RIN3: variants seen among roughly 807,000 people sequenced by gnomAD.
RIN3 encodes Ras and Rab interactor 3.
Under a neutral mutation model 76.3 loss-of-function variants are expected in RIN3, and 54 were observed. The observed-to-expected ratio is 0.71, with a 90% CI of 0.57 to 0.89. RIN3 has a LOEUF of 0.89. RIN3 is among the 40% of genes least tolerant of loss of function. The pLI is 0.00. For missense variants in RIN3, 1,256 were observed against 1,322.1 expected, an observed-to-expected ratio of 0.95 and a Z score of 0.78; for synonymous variants, 576 against 564.0, an observed-to-expected ratio of 1.02 and a Z score of -0.30.
intron 3 of RIN3, among the ~76,000 whole-genome samples, chr14:92,579,169 C>G (rs955696871): frequency 3.5e-4 from 53 of 152,190 alleles, no homozygotes; most frequent in Admixed American, 1.9e-3. Context: ...CTCAGGTGAT[C>G]CGCCTGCCTC....
At chr14:92,555,455 T>TC (rs758645341) in intron 1 of RIN3, among the ~76,000 whole-genome samples, 13 of 152,112 alleles carry the variant, frequency 8.5e-5, no homozygotes, top group Non-Finnish European at 1.5e-4. Flanking sequence ...TCCCAGACCC[T>TC]CCCCAAGACC....
intron 1 of RIN3, among the ~76,000 whole-genome samples, chr14:92,516,755 C>G (rs1896454414): frequency 6.6e-6 from 1 of 152,152 alleles, no homozygotes; most frequent in Admixed American, 6.5e-5. Context: ...CCCCTACCCC[C>G]TTGGTGCCCC....
chr14:92,529,760 C>T (rs1208145582), intron 1 of RIN3, among the ~76,000 whole-genome samples: 4 of 151,996 alleles, frequency 2.6e-5, no homozygotes, highest in African/African-American at 4.8e-5. Flanking sequence ...TTTTAGGATC[C>T]GAAGCGTAGT....
At chr14:92,596,890 T>C (rs565279368) in intron 3 of RIN3, among the ~76,000 whole-genome samples, 2 of 152,326 alleles carry the variant, frequency 1.3e-5, no homozygotes, top group African/African-American at 4.8e-5. Context: ...AGCCGACTCA[T>C]GTCAGCTGGT....
In RIN3 at chr14:92,681,431, C is replaced by T. The variant is rs986743268; in HGVS notation, c.2468-3556C>T. On this transcript the variant is annotated intron_variant, in intron 8 of 9. Transcript: ENST00000216487. This position sits in a 1 kb window ranked among gnomAD's most constrained non-coding sequence, Gnocchi z 4.7. ...TCCCTGAGGCCTCATAGCCACCATG[C>T]GTTATTCACACATTCCGAAGCCCTG... is the stretch of plus-strand genomic sequence containing the variant. 1.3e-5 allele frequency among the ~76,000 whole-genome samples: 2 copies of T among 152,210 alleles called. No homozygotes were observed. The highest frequency in any genetic ancestry group is 1.9e-4 in the East Asian group (1 of 5,204).
In RIN3 at chr14:92,664,671, T is replaced by C. The variant is rs75215168; in HGVS notation, c.2335+5202T>C. ...AGCAGTGAGCCACTGAGCCCGGCCA[T>C]TCATCATTTTCTTTCTCTCTCTGCA... On this transcript the variant is annotated intron_variant, in intron 7 of 9. Coordinates refer to ENST00000216487, the MANE Select transcript of RIN3 (RefSeq NM_024832.5). Among the ~76,000 whole-genome samples, 506 of 152,058 alleles carry C rather than the reference T, an allele frequency of 3.3e-3. 2 individuals carry two copies. The highest frequency in any genetic ancestry group is 0.011 in the African/African-American group (473 of 41,466).
chr14:92,551,596 A>G (rs1897427727), intron 1 of RIN3, among the ~76,000 whole-genome samples: 1 of 152,150 alleles, frequency 6.6e-6, no homozygotes, highest in Non-Finnish European at 1.5e-5. Context: ...ATTACTTCCC[A>G]TTCTCACCAC....
rs191969089 is a variant in RIN3 at position 92,618,859 on chromosome 14, A to G, written c.440+3380A>G. Reference sequence around the variant, plus strand: ...TGGAATGCAGAACTCTTAATAATAAAAGCTTTAAGGACTCAGGAAGGACAA... The same window carrying G: ...TGGAATGCAGAACTCTTAATAATAAGAGCTTTAAGGACTCAGGAAGGACAA... On this transcript the variant is annotated intron_variant, in intron 4 of 9. Transcript: ENST00000216487. Among the ~76,000 whole-genome samples, 344 of 152,236 alleles carry G rather than the reference A, an allele frequency of 2.3e-3. 1 individual carries two copies. Among genetic ancestry groups the G allele is most frequent in the Middle Eastern group, 0.02 (6 of 294 alleles).
chr14:92,540,315 G>A (rs1028203382), intron 1 of RIN3, among the ~76,000 whole-genome samples: 4 of 152,174 alleles, frequency 2.6e-5, no homozygotes, highest in East Asian at 3.9e-4. Flanking sequence ...ACCGAGGGTC[G>A]GGGGTCTTAG....
At chr14:92,618,988 GA>G (rs984421702) in intron 4 of RIN3, among the ~76,000 whole-genome samples, 78 of 152,266 alleles carry the variant, frequency 5.1e-4, no homozygotes, top group African/African-American at 1.8e-3. Flanking sequence ...GCACTGAGAA[GA>G]AAATTTGTTT....
intron 6 of RIN3, among the ~76,000 whole-genome samples, chr14:92,655,299 G>A (rs917638260): frequency 2.6e-5 from 4 of 152,256 alleles, no homozygotes; most frequent in Admixed American, 6.5e-5. Flanking sequence ...AGTGAGCCGA[G>A]ATTGTGCCAC....
At chr14:92,579,302 G>A (rs1898364399) in intron 3 of RIN3, among the ~76,000 whole-genome samples, 2 of 152,208 alleles carry the variant, frequency 1.3e-5, no homozygotes, top group South Asian at 4.1e-4. Flanking sequence ...GCAAGGAGGA[G>A]GTTTGTTTCA....
intron 3 of RIN3, among the ~76,000 whole-genome samples, chr14:92,598,092 A>C (rs1268324890): frequency 1.3e-5 from 2 of 152,188 alleles, no homozygotes; most frequent in Non-Finnish European, 2.9e-5. Flanking sequence ...CAGAAGTGAC[A>C]CTATGCCAGT....
chr14:92,652,693 C>A lies in RIN3; in HGVS notation c.1644C>A (p.Asp548Glu), dbSNP rs139153510. The change falls in exon 6 of 10, where the codon GAC becomes GAA. Residue 548 changes from aspartate (D) to glutamate (E), a missense_variant. Transcript: ENST00000216487. This position sits in a 1 kb window ranked among gnomAD's most constrained non-coding sequence, Gnocchi z 6.4. Reference protein sequence around the residue: ...LGVSVMATDQDSYSTSSTEEE... With the variant: ...LGVSVMATDQESYSTSSTEEE... ...TGTCTGTCATGGCCACCGACCAGGA[C>A]TCCTACTCCACCAGCAGCACGGAGG... The A allele has an allele frequency of 6.2e-7, 1 of 1,613,398 alleles. No homozygotes were observed. Among genetic ancestry groups the A allele is most frequent in the South Asian group, 1.1e-5 (1 of 91,084 alleles).
At chr14:92,660,528 C>T (rs1239910079) in intron 7 of RIN3, among the ~76,000 whole-genome samples, 1 of 152,174 alleles carries the variant, frequency 6.6e-6, no homozygotes, top group African/African-American at 2.4e-5. Context: ...CCACGAGTTT[C>T]TCATCCTCCA....
intron 7 of RIN3, among the ~76,000 whole-genome samples, 172 bp from the exon 8 acceptor site, chr14:92,676,303 G>A (rs1335610029): frequency 6.6e-6 from 1 of 152,044 alleles, no homozygotes. Flanking sequence ...GGCCTCCTGA[G>A]GAGGCTGCTC....
intron 3 of RIN3, among the ~76,000 whole-genome samples, chr14:92,610,632 C>T (rs1239211367): frequency 2.6e-5 from 4 of 152,128 alleles, no homozygotes; most frequent in Non-Finnish European, 5.9e-5. Context: ...GGGTGGAATC[C>T]CTGGGAAACA....
intron 2 of RIN3, 102 bp from the exon 3 acceptor site, chr14:92,577,258 T>A (rs1898271935): frequency 1.3e-6 from 1 of 740,816 alleles, no homozygotes; most frequent in African/African-American, 1.7e-5. Flanking sequence ...GCCTGCCTCA[T>A]CATTTCAGGA....
Position 92,685,083 on chromosome 14 carries a change from A to C in RIN3, c.2564A>C (p.Asp855Ala). 1 of 1,613,406 alleles carries C rather than the reference A, an allele frequency of 6.2e-7. No individual in the cohort carries two copies. The highest frequency in any genetic ancestry group is 8.5e-7 in the Non-Finnish European group (1 of 1,179,848). Residue 855 changes from aspartate to alanine, a missense_variant, in exon 9 of 10, where the codon GAC (aspartate) becomes GCC (alanine). Around this residue, in one of 3 missense-constraint regions of RIN3, gnomAD observed 428 missense variants for 521.2 expected, o/e 0.82. Transcript: ENST00000216487. The surrounding 1 kb of genome is among the most constrained non-coding windows in gnomAD (Gnocchi z 4.7). Reference protein sequence around the residue: ...VTRQLSVEVQDSIHRWERRRT... With the variant: ...VTRQLSVEVQASIHRWERRRT... ...CGGCAGCTGAGTGTGGAGGTGCAGGACTCCATCCACCGCTGGGAGCGCCGG... is the reference window on the plus strand; with the variant it reads ...CGGCAGCTGAGTGTGGAGGTGCAGGCCTCCATCCACCGCTGGGAGCGCCGG...
Sources: gnomAD v4.1 joint callset for allele counts (sites outside exome capture counted in the v4.1 genomes callset) on GRCh38, gnomAD v4.1.1 for gene constraint, gnomAD v4.1.1 regional missense constraint, Gnocchi (gnomAD v3.1) non-coding constraint, MANE v1.5 for transcripts, NCBI Gene and HGNC (gene_info 2026-07-23, HGNC 2026-07-21) for gene names.